The following MAST1 variants were observed in gnomAD, a reference collection of about 807,000 sequenced individuals.
MAST1 encodes microtubule associated serine/threonine kinase 1, also known as microtubule-associated serine/threonine-protein kinase 1.
A neutral mutation model predicts 124.6 loss-of-function variants in MAST1; 40 were observed. That is an observed-to-expected ratio of 0.32 (90% CI 0.25 to 0.42). The LOEUF (loss-of-function observed/expected upper bound fraction) is 0.42, where lower values mean the gene tolerates loss of function less well. MAST1 is among the 10% of genes least tolerant of loss of function. MAST1 has a pLI of 1.00. For missense variants in MAST1, 1,558 were observed against 2,181.9 expected (o/e 0.71, Z 5.70); for synonymous variants, 938 against 939.4 (o/e 1.00, Z 0.03).
chr19:12,867,615 C>G lies in MAST1; in HGVS notation c.2281C>G (p.Leu761Val). 5.0e-6 allele frequency: 8 copies of G among 1,611,010 alleles called. No individual in the cohort carries two copies. Among genetic ancestry groups the G allele is most frequent in the Non-Finnish European group, 6.8e-6 (8 of 1,178,652 alleles). ...GKREGLGGLTLREKTWRGGSP... is the reference protein window; with the variant it reads ...GKREGLGGLTVREKTWRGGSP... ...GCGGGAGGGGCTGGGCGGCCTGACC[C>G]TGCGTGAGAAGACCTGGAGAGGGGG... The change falls in exon 19 of 26, where the codon CTG (leucine) becomes GTG (valine). Residue 761 changes from leucine to valine, a missense_variant. Coordinates refer to ENST00000251472, the MANE Select transcript of MAST1 (RefSeq NM_014975.3).
At position 12,840,543 on chromosome 19, in the gene MAST1, A is replaced by T; in HGVS notation, c.172+9A>T. ...GCTGCCAGGTCACCTAGGTGAGGCCAGTGGTAGAGACTTGGTGGGTGCAGA... is the reference window on the plus strand; with the variant it reads ...GCTGCCAGGTCACCTAGGTGAGGCCTGTGGTAGAGACTTGGTGGGTGCAGA... On this transcript the variant is annotated intron_variant, in intron 2 of 25. Transcript: ENST00000251472. 5 of 1,606,890 alleles carry T rather than the reference A, an allele frequency of 3.1e-6. No individual in the cohort carries two copies. The highest frequency in any genetic ancestry group is 4.3e-6 in the Non-Finnish European group (5 of 1,174,042).
chr19:12,868,865 A>C lies in MAST1; in HGVS notation c.2773+16A>C. On this transcript the variant is annotated intron_variant, in intron 21 of 25. Transcript: ENST00000251472. ...ATTCCTGCAGGTAATGCTGGGCCCCACCTGGCAGGGGAGGGGCTGCCCCCC... is the reference window on the plus strand; with the variant it reads ...ATTCCTGCAGGTAATGCTGGGCCCCCCCTGGCAGGGGAGGGGCTGCCCCCC... 6.4e-7 allele frequency: 1 copy of C among 1,562,708 alleles called. No homozygotes were observed.
At chr19:12,848,387 A>AG (rs567898573) in intron 7 of MAST1, 74 of 285,148 alleles carry the variant, frequency 2.6e-4, no homozygotes, top group South Asian at 9.6e-4. Context: ...TGGGAGGCCG[A>AG]GGGGGGCGGA....
At chr19:12,858,152 G>A (rs1402183661) in intron 10 of MAST1, among the ~76,000 whole-genome samples, 2 of 151,286 alleles carry the variant, frequency 1.3e-5, no homozygotes, top group African/African-American at 4.9e-5. Context: ...CTATTTTGTT[G>A]GTTTCCTGCT....
At position 12,858,666 on chromosome 19, in the gene MAST1, C is replaced by T. The variant is rs1970045197; in HGVS notation, c.1293C>T (p.Asn431=). The T allele has an allele frequency of 6.2e-7, 1 of 1,614,130 alleles. No individual in the cohort carries two copies. The highest frequency in any genetic ancestry group is 1.7e-5 in the Admixed American group (1 of 60,010). Reference sequence around the variant, plus strand: ...GCGATATCCTCACCTTCGCCGAGAACCCGTTTGTGGTCGGCATGTTCTGCT... The same window carrying T: ...GCGATATCCTCACCTTCGCCGAGAATCCGTTTGTGGTCGGCATGTTCTGCT... The part of the protein sequence containing the change: ...VERDILTFAE[N]PFVVGMFCSF... Residue 431 remains asparagine (N), a synonymous_variant, in exon 12 of 26, where the codon AAC becomes AAT. Transcript: ENST00000251472.
In MAST1 at chr19:12,841,146, C is replaced by T. The variant is rs1354442923; in HGVS notation, c.248+80C>T. 7 of 742,330 alleles carry T rather than the reference C, an allele frequency of 9.4e-6. No homozygotes were observed. Among genetic ancestry groups the T allele is most frequent in the Non-Finnish European group, 1.7e-5 (7 of 412,892 alleles). The allele number at this position is 742,330 out of a possible 1,614,324, so 46.0% of individuals were successfully genotyped here. A position where few individuals can be genotyped will look rare whatever the true frequency, so the allele number is the denominator to read the frequency against. ...TGTCTGGGCCGCCATCTGTTCTCCT[C>T]CTAATTGCACCCGAGCTGGGGCCTG... is the stretch of plus-strand genomic sequence containing the variant. On this transcript the variant is annotated intron_variant, in intron 3 of 25. Transcript: ENST00000251472. The surrounding 1 kb of genome is among the most constrained non-coding windows in gnomAD (Gnocchi z 4.3).
intron 10 of MAST1, among the ~76,000 whole-genome samples, chr19:12,854,022 C>T (rs1385541108): frequency 2.0e-5 from 3 of 151,486 alleles, no homozygotes; most frequent in Non-Finnish European, 4.4e-5. Context: ...AGGGAAACCT[C>T]ACACCCATTA....
At chr19:12,840,952 G>T in intron 2 of MAST1, 39 bp from the exon 3 acceptor site, 1 of 815,320 alleles carries the variant, frequency 1.2e-6, no homozygotes, top group Non-Finnish European at 2.2e-6. Context: ...TTTAGGGAAC[G>T]AGAGACCTGA....
At position 12,865,404 on chromosome 19, in the gene MAST1, T is replaced by C; in HGVS notation, c.1727T>C (p.Ile576Thr). Reference protein sequence around the residue: ...KPVDWWAMGIILYEFLVGCVP... With the variant: ...KPVDWWAMGITLYEFLVGCVP... The stretch of plus-strand genomic sequence containing the variant: ...GTGGACTGGTGGGCTATGGGGATCA[T>C]CCTCTACGAGTTCCTGGTGGGCTGT... Residue 576 changes from isoleucine (I) to threonine (T), a missense_variant, in exon 15 of 26, where the codon ATC becomes ACC. Physicochemically the swap from Ile to Thr is moderately conservative, Grantham distance 89. This residue lies in a region of MAST1 where 145 missense variants were observed against 350.0 expected (regional missense o/e 0.41). Transcript: ENST00000251472. The surrounding 1 kb of genome is among the most constrained non-coding windows in gnomAD (Gnocchi z 7.1). 6.2e-7 allele frequency: 1 copy of C among 1,612,384 alleles called. No individual in the cohort carries two copies. The highest frequency in any genetic ancestry group is 8.5e-7 in the Non-Finnish European group (1 of 1,179,224).
In MAST1 at chr19:12,843,116, T is replaced by G. The variant is rs1480468756; in HGVS notation, c.249-413T>G. ...TGTGCACGAGAGCATAAGGACACAA[T>G]ATTCTATGTCAGAACATGTTGGGGG... On this transcript the variant is annotated intron_variant, in intron 3 of 25. Coordinates refer to ENST00000251472, the MANE Select transcript of MAST1 (RefSeq NM_014975.3). This position sits in a 1 kb window ranked among gnomAD's most constrained non-coding sequence, Gnocchi z 4.9. 6.6e-6 allele frequency among the ~76,000 whole-genome samples: 1 copy of G among 152,176 alleles called. No homozygotes were observed. Among genetic ancestry groups the G allele is most frequent in the Non-Finnish European group, 1.5e-5 (1 of 68,040 alleles).
chr19:12,868,103 ATTTTTTT>A lies in MAST1; in HGVS notation c.2566+143_2566+149del, dbSNP rs34988246. 73 of 322,244 alleles carry A rather than the reference ATTTTTTT, an allele frequency of 2.3e-4. 1 individual carries two copies. Among genetic ancestry groups the A allele is most frequent in the East Asian group, 9.5e-4 (8 of 8,388 alleles). 20.0% of individuals were successfully genotyped at this position (322,244 alleles called of 1,614,324 possible). On this transcript the variant is annotated intron_variant, in intron 20 of 25. Coordinates refer to ENST00000251472, the MANE Select transcript of MAST1 (RefSeq NM_014975.3). ...GGTCCTATTCACATTGCAATTTGGG[ATTTTTTT>A]TTTTTTTTTTTTTTTTGAGACAGAG... is the stretch of plus-strand genomic sequence containing the variant.
intron 18 of MAST1, 63 bp from the exon 19 acceptor site, chr19:12,867,411 G>C: frequency 6.3e-7 from 1 of 1,589,364 alleles, no homozygotes; most frequent in Non-Finnish European, 8.6e-7. Context: ...CTGCCAGGAA[G>C]CTGATTAGCT....
chr19:12,860,371 C>T (rs1221988546), intron 12 of MAST1, among the ~76,000 whole-genome samples: 1 of 151,704 alleles, frequency 6.6e-6, no homozygotes, highest in Non-Finnish European at 1.5e-5. Flanking sequence ...CCACCTCGGC[C>T]TCCCAAAGTG....
At chr19:12,873,547 C>T (rs1434703169) in intron 25 of MAST1, 36 bp downstream of exon 25, 7 of 1,584,742 alleles carry the variant, frequency 4.4e-6, no homozygotes, top group East Asian at 2.2e-5. Context: ...GACCGAGCAG[C>T]GCGGGGTGGC....
In MAST1 at chr19:12,870,991, C is replaced by A. The variant is rs773364003; in HGVS notation, c.3126+45C>A. On this transcript the variant is annotated intron_variant, in intron 23 of 25. Coordinates refer to ENST00000251472, the MANE Select transcript of MAST1 (RefSeq NM_014975.3). ...CACCCTGGGCGGAGGGTGGGGGAGG[C>A]CTGAGCAGCCCCTAGCAGAGCATTT... 9 of 1,613,386 alleles carry A rather than the reference C, an allele frequency of 5.6e-6. No individual in the cohort carries two copies. The South Asian group carries it at 8.8e-5, about 16-fold the overall frequency.
chr19:12,838,837 G>A lies in MAST1; in HGVS notation c.83+182G>A, dbSNP rs1969792001. 6.6e-6 allele frequency among the ~76,000 whole-genome samples: 1 copy of A among 151,674 alleles called. No individual in the cohort carries two copies. Among genetic ancestry groups the A allele is most frequent in the Non-Finnish European group, 1.5e-5 (1 of 67,846 alleles). On this transcript the variant is annotated intron_variant, in intron 1 of 25. Coordinates refer to ENST00000251472, the MANE Select transcript of MAST1 (RefSeq NM_014975.3). The surrounding 1 kb of genome is among the most constrained non-coding windows in gnomAD (Gnocchi z 4.3). ...GGGTGGTGTGGGCCGAGTCTGGGGG[G>A]CTTGCACGCTGGAGAGGACGGCCGC...
chr19:12,844,896 C>T (rs966495729), intron 4 of MAST1, among the ~76,000 whole-genome samples: 1 of 151,758 alleles, frequency 6.6e-6, no homozygotes, highest in African/African-American at 2.4e-5. Context: ...CAGTTTGAAC[C>T]ATTTGAAATT....
rs970286030 is a variant in MAST1 at position 12,866,464 on chromosome 19, C to T, written c.2030-189C>T. Among the ~76,000 whole-genome samples the T allele has an allele frequency of 2.0e-5, 3 of 152,026 alleles. No homozygotes were observed. The highest frequency in any genetic ancestry group is 2.1e-4 in the South Asian group (1 of 4,816). ...TGGCCTCTTTGGAGGCGGGGCTAGA[C>T]GGTGCCACTGAGAATGGGGCAAGGA... On this transcript the variant is annotated intron_variant, in intron 17 of 25. Transcript: ENST00000251472. The surrounding 1 kb of genome is among the most constrained non-coding windows in gnomAD (Gnocchi z 5.2).
At chr19:12,845,276 C>G (rs775247289) in intron 4 of MAST1, among the ~76,000 whole-genome samples, 26 of 151,680 alleles carry the variant, frequency 1.7e-4, no homozygotes, top group Non-Finnish European at 3.8e-4. Flanking sequence ...GCACTCCAGC[C>G]TGGGTGAAAG....
Sources: allele counts gnomAD v4.1 joint callset (sites outside exome capture counted in the v4.1 genomes callset), GRCh38; gene constraint gnomAD v4.1.1; regional missense constraint gnomAD v4.1.1; non-coding constraint Gnocchi (gnomAD v3.1); transcripts MANE v1.5; gene names NCBI Gene and HGNC (gene_info 2026-07-23, HGNC 2026-07-21).